ENKD1: variants seen among roughly 807,000 people sequenced by gnomAD.
The protein encoded by ENKD1 is enkurin domain-containing protein 1.
Under a neutral mutation model 35.8 loss-of-function variants are expected in ENKD1, and 39 were observed. That is an observed-to-expected ratio of 1.09 (90% CI 0.84 to 1.42). ENKD1 has a LOEUF of 1.42. ENKD1 is among the 40% of genes most tolerant of loss of function. The pLI is 0.00. For missense variants in ENKD1, 474 were observed against 471.3 expected (o/e 1.01, Z -0.05); for synonymous variants, 205 against 198.6 (o/e 1.03, Z -0.27).
rs1488726150 is a variant in ENKD1, at chr16:67,666,340, C to G, written c.85+18G>C. 2 of 1,583,496 alleles carry G rather than the reference C, an allele frequency of 1.3e-6. No individual in the cohort carries two copies. Among genetic ancestry groups the G allele is most frequent in the Non-Finnish European group, 1.7e-6 (2 of 1,170,742 alleles). ...CCGACCCCTGAGCCTCGCACCACCG[C>G]CAAGCCCCCGGACTCACCCGAGGTC... On this transcript the variant is annotated intron_variant, in intron 1 of 6. Coordinates refer to ENST00000243878, the MANE Select transcript of ENKD1 (RefSeq NM_032140.3).
At chr16:67,664,515 C>T (rs1011614910) in intron 3 of ENKD1, 4 of 346,194 alleles carry the variant, frequency 1.2e-5, no homozygotes, top group Middle Eastern at 1.0e-3. Flanking sequence ...GCTTCAGCTA[C>T]AACACATTTG....
rs1183779219 is a variant in ENKD1 at position 67,663,414 on chromosome 16, A to G, written c.880+6T>C. On this transcript the variant is annotated splice_donor_region_variant and intron_variant, in intron 6 of 6. Coordinates refer to ENST00000243878, the MANE Select transcript of ENKD1 (RefSeq NM_032140.3). ...CCCCCTCCAGCCTCCCTGCCCAGGT[A>G]CTCACTCTGGAGCAGCTTGGTCAGT... is the stretch of plus-strand genomic sequence containing the variant. 1.9e-6 allele frequency: 3 copies of G among 1,612,682 alleles called. No homozygotes were observed. Among genetic ancestry groups the G allele is most frequent in the Non-Finnish European group, 2.5e-6 (3 of 1,179,678 alleles).
chr16:67,663,724 C>T lies in ENKD1; in HGVS notation c.676G>A (p.Val226Met), dbSNP rs201476428. Residue 226 changes from valine (V) to methionine (M), a missense_variant, in exon 5 of 7, where the codon GTG becomes ATG. Val to Met is a conservative substitution (Grantham distance 21, BLOSUM62 1). Transcript: ENST00000243878. ...HSCSLQVLAQ[V>M]LEQQRQAQEH... ...TGGGCCTGCCGCTGCTGCTCTAGCA[C>T]TTGTGCCAGGACCTGCAGTGAGCAG... 56 of 1,612,956 alleles carry T rather than the reference C, an allele frequency of 3.5e-5. No homozygotes were observed. The South Asian group carries it at 4.2e-4, about 12-fold the overall frequency.
rs1315908213 is a variant in ENKD1, at chr16:67,663,549, C to G, written c.751G>C (p.Glu251Gln). 1.9e-6 allele frequency: 3 copies of G among 1,611,708 alleles called. No individual in the cohort carries two copies. The highest frequency in any genetic ancestry group is 2.5e-6 in the Non-Finnish European group (3 of 1,179,186). Residue 251 changes from glutamate to glutamine, a missense_variant, in exon 6 of 7, where the codon GAG (glutamate) becomes CAG (glutamine). Glu to Gln is a conservative substitution (Grantham distance 29). Coordinates refer to ENST00000243878, the MANE Select transcript of ENKD1 (RefSeq NM_032140.3). ...TCCCGCCGCCACAGGTCCCTGCGCT[C>G]CAACAAGCTGTGGGTACACAGGCTC... is the stretch of plus-strand genomic sequence containing the variant. The part of the protein sequence containing the change: ...QKGHVPHYLL[E>Q]RRDLWRREAE...
chr16:67,663,310 G>A lies in ENKD1; in HGVS notation c.892C>T (p.Leu298=). 6.2e-7 allele frequency: 1 copy of A among 1,613,554 alleles called. No individual in the cohort carries two copies. Among genetic ancestry groups the A allele is most frequent in the Middle Eastern group, 1.6e-4 (1 of 6,062 alleles). Residue 298 remains leucine, a synonymous_variant, in exon 7 of 7, where the codon CTG becomes TTG. Coordinates refer to ENST00000243878, the MANE Select transcript of ENKD1 (RefSeq NM_032140.3). ...LTKLLQSQSQ[L]LRELVLLPAG... ...GGCAGCAGTACCAGCTCACGCAGCAGCTGGCTCTGGCCTACAGGGGGCCCG... is the reference window on the plus strand; with the variant it reads ...GGCAGCAGTACCAGCTCACGCAGCAACTGGCTCTGGCCTACAGGGGGCCCG...
At position 67,666,577 on chromosome 16, in the gene ENKD1, C is replaced by T. The variant is rs1018312512; in HGVS notation, c.-135G>A. The T allele has an allele frequency of 2.1e-5, 17 of 823,812 alleles. No individual in the cohort carries two copies. Among genetic ancestry groups the T allele is most frequent in the Admixed American group, 7.9e-5 (2 of 25,202 alleles). The allele number at this position is 823,812 out of a possible 1,614,324, so 51.0% of individuals were successfully genotyped here. ...CCCTGGCGTGCCCGCCACTCCCGGG[C>T]CCCTGCCGGTCCCCGCCTGGGCCCC... On this transcript the variant is annotated 5_prime_UTR_variant, in exon 1 of 7. Coordinates refer to ENST00000243878, the MANE Select transcript of ENKD1 (RefSeq NM_032140.3).
In ENKD1 at chr16:67,666,608, C is replaced by G; in HGVS notation, c.-166G>C. On this transcript the variant is annotated 5_prime_UTR_variant, in exon 1 of 7. Coordinates refer to ENST00000243878, the MANE Select transcript of ENKD1 (RefSeq NM_032140.3). The stretch of plus-strand genomic sequence containing the variant: ...CCGGTCCCCGCCTGGGCCCCGGCCT[C>G]GCTCGCCACCTCCGCGACCTCTGCT... 1 of 596,346 alleles carries G rather than the reference C, an allele frequency of 1.7e-6. No homozygotes were observed. Among genetic ancestry groups the G allele is most frequent in the Non-Finnish European group, 2.7e-6 (1 of 369,676 alleles). The allele number at this position is 596,346 out of a possible 1,614,324, so 36.9% of individuals were successfully genotyped here.
rs747507465 is a variant in ENKD1, at chr16:67,666,259, C to G, written c.92G>C (p.Gly31Ala). 2.3e-5 allele frequency: 37 copies of G among 1,604,386 alleles called. No homozygotes were observed. The highest frequency in any genetic ancestry group is 5.1e-6 in the Non-Finnish European group (6 of 1,175,788). ...CTTCAGCGCGTTTCCCTCGAGGCGCCCTTGAGCTGTGGGGCGGAGCCGGGC... is the reference window on the plus strand; with the variant it reads ...CTTCAGCGCGTTTCCCTCGAGGCGCGCTTGAGCTGTGGGGCGGAGCCGGGC... The part of the protein sequence containing the change: ...DNYRRPTSAQ[G>A]RLEGNALKLD... Residue 31 changes from glycine to alanine, a missense_variant, in exon 2 of 7, where the codon GGG (glycine) becomes GCG (alanine). Transcript: ENST00000243878.
rs1240421560 is a variant in ENKD1 at position 67,662,960 on chromosome 16, G to A, written c.*201C>T. 6.0e-6 allele frequency: 4 copies of A among 665,458 alleles called. No individual in the cohort carries two copies. Among genetic ancestry groups the A allele is most frequent in the East Asian group, 2.8e-5 (1 of 36,068 alleles). The allele number at this position is 665,458 out of a possible 1,614,324, so 41.2% of individuals were successfully genotyped here. On this transcript the variant is annotated 3_prime_UTR_variant, in exon 7 of 7. Transcript: ENST00000243878. The surrounding 1 kb of genome is among the most constrained non-coding windows in gnomAD (Gnocchi z 6.9). ...TGGAAACAAATCCTGTGTACAAAAT[G>A]TTTAATTTTGACAAAGCAGTTAAAA...
intron 2 of ENKD1, among the ~76,000 whole-genome samples, chr16:67,665,654 G>A (rs1038366446): frequency 2.0e-5 from 3 of 152,120 alleles, no homozygotes; most frequent in African/African-American, 7.2e-5. Context: ...GAGCCACTGC[G>A]CCCAGGTGAT....
rs775443391 is a variant in ENKD1 at position 67,666,225 on chromosome 16, C to G, written c.126G>C (p.Leu42Phe). 1.0e-5 allele frequency: 16 copies of G among 1,607,902 alleles called. No homozygotes were observed. The highest frequency in any genetic ancestry group is 1.4e-5 in the Non-Finnish European group (16 of 1,176,924). The change falls in exon 2 of 7, where the codon TTG becomes TTC. Residue 42 changes from leucine to phenylalanine, a missense_variant. Coordinates refer to ENST00000243878, the MANE Select transcript of ENKD1 (RefSeq NM_032140.3). ...TGTCCAGGGCCCGGTCGGAAGTCAG[C>G]AAGTCCAGCTTCAGCGCGTTTCCCT... The part of the protein sequence containing the change: ...RLEGNALKLD[L>F]LTSDRALDTT...
In ENKD1 at chr16:67,666,404, G is replaced by A. The variant is rs1233929868; in HGVS notation, c.39C>T (p.Pro13=). ...EGPSRISGPI[P]PDPTLCPDNY... is the part of the protein sequence containing the mutation. ...TGTCAGGACAGAGCGTCGGGTCTGG[G>A]GGGATGGGCCCCGAGATGCGGGACG... The change falls in exon 1 of 7, where the codon CCC becomes CCT. Residue 13 remains proline, a synonymous_variant. Transcript: ENST00000243878. The A allele has an allele frequency of 1.9e-5, 29 of 1,561,790 alleles. No homozygotes were observed. Among genetic ancestry groups the A allele is most frequent in the Non-Finnish European group, 2.1e-5 (24 of 1,162,130 alleles).
intron 5 of ENKD1, 48 bp downstream of exon 5, chr16:67,663,609 A>G (rs1275643943): frequency 6.2e-7 from 1 of 1,602,628 alleles, no homozygotes; most frequent in African/African-American, 1.3e-5. Context: ...GTTGGTTCCC[A>G]CCCTCCACAG....
chr16:67,664,376 C>A, intron 3 of ENKD1: 2 of 441,994 alleles, frequency 4.5e-6, no homozygotes, highest in South Asian at 2.0e-5. Flanking sequence ...CAAATCCAGG[C>A]GGTCAATTCC....
Position 67,663,480 on chromosome 16 carries a change from G to A in ENKD1, c.820C>T (p.Pro274Ser). ...TTCTCAGGCATGCGCGTGTGGCCTG[G>A]GGGCATGGCAGGGTCCGGCTGGCTC... ...KQSQPDPAMPPGHTRMPENQR... is the reference protein window; with the variant it reads ...KQSQPDPAMPSGHTRMPENQR... The change falls in exon 6 of 7, where the codon CCA (proline) becomes TCA (serine). Residue 274 changes from proline to serine, a missense_variant. Coordinates refer to ENST00000243878, the MANE Select transcript of ENKD1 (RefSeq NM_032140.3). The A allele has an allele frequency of 6.2e-7, 1 of 1,613,150 alleles. No homozygotes were observed. Among genetic ancestry groups the A allele is most frequent in the Non-Finnish European group, 8.5e-7 (1 of 1,179,908 alleles).
Position 67,663,264 on chromosome 16 carries a change from C to T in ENKD1, c.938G>A (p.Arg313Lys), listed in dbSNP as rs778156397. Residue 313 changes from arginine (R) to lysine (K), a missense_variant, in exon 7 of 7, where the codon AGA (arginine) becomes AAA (lysine). Coordinates refer to ENST00000243878, the MANE Select transcript of ENKD1 (RefSeq NM_032140.3). ...VLLPAGADSL[R>K]AQSHRAELDR... is the part of the protein sequence containing the mutation. ...CAGCTCAGCACGGTGGCTCTGGGCTCTCAGTGAGTCTGCCCCAGCAGGCAG... is the reference window on the plus strand; with the variant it reads ...CAGCTCAGCACGGTGGCTCTGGGCTTTCAGTGAGTCTGCCCCAGCAGGCAG... The T allele has an allele frequency of 6.2e-7, 1 of 1,613,878 alleles. No homozygotes were observed. Among genetic ancestry groups the T allele is most frequent in the Non-Finnish European group, 8.5e-7 (1 of 1,180,038 alleles).
intron 6 of ENKD1, 40 bp from the exon 7 acceptor site, chr16:67,663,361 G>T: frequency 6.2e-7 from 1 of 1,612,296 alleles, no homozygotes; most frequent in Non-Finnish European, 8.5e-7. Flanking sequence ...GTGAGTGTTG[G>T]GCAGGGGTGC....
In ENKD1 at chr16:67,666,251, C is replaced by G; in HGVS notation, c.100G>C (p.Glu34Gln). ...AAGTCCAGCTTCAGCGCGTTTCCCT[C>G]GAGGCGCCCTTGAGCTGTGGGGCGG... ...RRPTSAQGRL[E>Q]GNALKLDLLT... The change falls in exon 2 of 7, where the codon GAG (glutamate) becomes CAG (glutamine). Residue 34 changes from glutamate to glutamine, a missense_variant. Coordinates refer to ENST00000243878, the MANE Select transcript of ENKD1 (RefSeq NM_032140.3). 1 of 1,604,012 alleles carries G rather than the reference C, an allele frequency of 6.2e-7. No individual in the cohort carries two copies. The highest frequency in any genetic ancestry group is 1.7e-5 in the Admixed American group (1 of 59,344).
Position 67,665,188 on chromosome 16 carries a change from A to C in ENKD1, c.281-20T>G, listed in dbSNP as rs1041794865. 1.2e-6 allele frequency: 2 copies of C among 1,604,408 alleles called. No individual in the cohort carries two copies. The highest frequency in any genetic ancestry group is 1.7e-6 in the Non-Finnish European group (2 of 1,175,054). On this transcript the variant is annotated intron_variant, in intron 2 of 6. Transcript: ENST00000243878. ...CCTTCCCTGGAGAAAAGATGCCCCC[A>C]GGTTCTGCCCTACATGGGGCCCACA...
Sources: allele counts gnomAD v4.1 joint callset (sites outside exome capture counted in the v4.1 genomes callset), GRCh38; gene constraint gnomAD v4.1.1; non-coding constraint Gnocchi (gnomAD v3.1); transcripts MANE v1.5; gene names NCBI Gene and HGNC (gene_info 2026-07-23, HGNC 2026-07-21).